The following RAB2A variants were observed in gnomAD, a reference collection of about 807,000 sequenced individuals.
The protein encoded by RAB2A is ras-related protein Rab-2A.
A neutral mutation model predicts 32.5 loss-of-function variants in RAB2A; 7 were observed. That is an observed-to-expected ratio of 0.22 (90% CI 0.12 to 0.40). The LOEUF (loss-of-function observed/expected upper bound fraction) is 0.40. RAB2A is among the 10% of genes least tolerant of loss of function. The pLI is 1.00. For synonymous variants in RAB2A, 79 were observed against 85.2 expected, an observed-to-expected ratio of 0.93 and a Z score of 0.40; for missense variants, 108 against 260.7, an observed-to-expected ratio of 0.41 and a Z score of 4.03.
At chr8:60,605,537 G>A (rs1393503400) in intron 6 of RAB2A, among the ~76,000 whole-genome samples, 2 of 152,162 alleles carry the variant, frequency 1.3e-5, no homozygotes, top group Non-Finnish European at 2.9e-5. Context: ...GAGAGCAGTG[G>A]TGGGGTCTGA....
intron 1 of RAB2A, among the ~76,000 whole-genome samples, chr8:60,526,041 A>ATG (rs1563458418): frequency 9.6e-5 from 12 of 125,122 alleles, no homozygotes; most frequent in East Asian, 5.2e-4. Flanking sequence ...ATATATATAT[A>ATG]TATATATATA....
intron 6 of RAB2A, among the ~76,000 whole-genome samples, chr8:60,618,211 C>G (rs1162517500): frequency 6.6e-6 from 1 of 152,172 alleles, no homozygotes; most frequent in African/African-American, 2.4e-5. Flanking sequence ...TGTTCTTAAT[C>G]TTAGGGGAAA....
chr8:60,549,351 T>C (rs1292957333), intron 1 of RAB2A, among the ~76,000 whole-genome samples: 3 of 152,160 alleles, frequency 2.0e-5, no homozygotes, highest in Non-Finnish European at 4.4e-5. Context: ...CTGGGCACCA[T>C]TGAGCACTGA....
At chr8:60,571,024 A>G (rs1808190295) in intron 2 of RAB2A, among the ~76,000 whole-genome samples, 2 of 152,150 alleles carry the variant, frequency 1.3e-5, no homozygotes, top group Non-Finnish European at 2.9e-5. Flanking sequence ...GGCAGTAATG[A>G]CTTGATATAA....
rs544325154 is a variant in RAB2A at position 60,566,335 on chromosome 8, T to A, written c.119-5711T>A. On this transcript the variant is annotated intron_variant, in intron 2 of 7. Coordinates refer to ENST00000262646, the MANE Select transcript of RAB2A (RefSeq NM_002865.3). The stretch of plus-strand genomic sequence containing the variant: ...AGTCAAAAAAATTTTTACTTTTTCG[T>A]TCTTTTTTAGTGAGGCTGAGCATTT... 2.6e-5 allele frequency among the ~76,000 whole-genome samples: 4 copies of A among 152,360 alleles called. No homozygotes were observed. The South Asian group carries it at 8.3e-4, about 32-fold the overall frequency.
At chr8:60,551,778 C>G (rs961715359) in intron 1 of RAB2A, among the ~76,000 whole-genome samples, 3 of 151,790 alleles carry the variant, frequency 2.0e-5, no homozygotes, top group African/African-American at 7.3e-5. Context: ...ACTGCAACCT[C>G]AAACTCCTAG....
chr8:60,557,316 G>C (rs1299416650), intron 1 of RAB2A, among the ~76,000 whole-genome samples: 1 of 152,122 alleles, frequency 6.6e-6, no homozygotes, highest in Non-Finnish European at 1.5e-5. Context: ...AGGAGTTTGA[G>C]ACCAGCCTGG....
intron 6 of RAB2A, among the ~76,000 whole-genome samples, chr8:60,595,091 G>A (rs1303370581): frequency 6.8e-6 from 1 of 147,836 alleles, no homozygotes; most frequent in Non-Finnish European, 1.5e-5. Flanking sequence ...TAGCAGATTT[G>A]CATAAAAGAA....
rs1327944485 is a variant in RAB2A, at chr8:60,557,420, G to A, written c.47-1432G>A. ...TATGCCAACTACTTGGGAGGCTGAG[G>A]CAGGAGAATTGCTTGAACCTGGGAG... On this transcript the variant is annotated intron_variant, in intron 1 of 7. Coordinates refer to ENST00000262646, the MANE Select transcript of RAB2A (RefSeq NM_002865.3). 2.0e-5 allele frequency among the ~76,000 whole-genome samples: 3 copies of A among 152,236 alleles called. No individual in the cohort carries two copies. In the East Asian group the frequency reaches 5.8e-4, roughly 29 times the overall value.
rs991230459 is a variant in RAB2A, at chr8:60,557,714, C to T, written c.47-1138C>T. On this transcript the variant is annotated intron_variant, in intron 1 of 7. Coordinates refer to ENST00000262646, the MANE Select transcript of RAB2A (RefSeq NM_002865.3). ...TCAAGTAACTGGAACTACAGATGCGCACCACCACACCCATCTTTTTTTTTT... is the reference window on the plus strand; with the variant it reads ...TCAAGTAACTGGAACTACAGATGCGTACCACCACACCCATCTTTTTTTTTT... Among the ~76,000 whole-genome samples, 9 of 151,306 alleles carry T rather than the reference C, an allele frequency of 5.9e-5. No homozygotes were observed. In the South Asian group the frequency reaches 1.0e-3, roughly 18 times the overall value.
At chr8:60,614,771 G>C (rs941444704) in intron 6 of RAB2A, among the ~76,000 whole-genome samples, 3 of 152,276 alleles carry the variant, frequency 2.0e-5, no homozygotes, top group African/African-American at 7.2e-5. Flanking sequence ...AAAGATTAGT[G>C]TTTGAGGTGG....
rs1377682701 is a variant in RAB2A, at chr8:60,615,970, CAG to C, written c.475-2609_475-2608del. 3.3e-5 allele frequency among the ~76,000 whole-genome samples: 5 copies of C among 152,004 alleles called. No homozygotes were observed. The East Asian group carries it at 7.7e-4, about 23-fold the overall frequency. On this transcript the variant is annotated intron_variant, in intron 6 of 7. Coordinates refer to ENST00000262646, the MANE Select transcript of RAB2A (RefSeq NM_002865.3). ...TGTATTGTATCCTCTATAATATGCT[CAG>C]GGGGTAGAAAATACTTGATTTTATT...
Position 60,618,513 on chromosome 8 carries a change from G to A in RAB2A, c.475-67G>A, listed in dbSNP as rs1408338040. On this transcript the variant is annotated intron_variant, in intron 6 of 7. Transcript: ENST00000262646. Reference sequence around the variant, plus strand: ...ATGTTGAATGTTATGATATTCTATAGAGCATATATAATGTTATTTTACTGC... The same window carrying A: ...ATGTTGAATGTTATGATATTCTATAAAGCATATATAATGTTATTTTACTGC... The A allele has an allele frequency of 1.8e-5, 14 of 765,856 alleles. No homozygotes were observed. In the East Asian group the frequency reaches 5.7e-4, roughly 31 times the overall value. The allele number at this position is 765,856 out of a possible 1,614,324, so 47.4% of individuals were successfully genotyped here. A position where few individuals can be genotyped will look rare whatever the true frequency, so the allele number is the denominator to read the frequency against.
rs559219040 is a variant in RAB2A at position 60,621,510 on chromosome 8, A to G, written c.*741A>G. The G allele has an allele frequency of 3.3e-5, 5 of 152,244 alleles. No homozygotes were observed. The highest frequency in any genetic ancestry group is 1.2e-4 in the African/African-American group (5 of 41,552). The allele number at this position is 152,244 out of a possible 1,614,324, so 9.4% of individuals were successfully genotyped here. On this transcript the variant is annotated 3_prime_UTR_variant, in exon 8 of 8. Coordinates refer to ENST00000262646, the MANE Select transcript of RAB2A (RefSeq NM_002865.3). Reference sequence around the variant, plus strand: ...TTGCTTTGTCCACAATTTCCTTAAGACCTCTTCAGAAAGGGATTTGTTTGC... The same window carrying G: ...TTGCTTTGTCCACAATTTCCTTAAGGCCTCTTCAGAAAGGGATTTGTTTGC...
At chr8:60,547,841 C>T (rs1447926842) in intron 1 of RAB2A, among the ~76,000 whole-genome samples, 12 of 121,856 alleles carry the variant, frequency 9.8e-5, no homozygotes, top group African/African-American at 2.8e-4. Context: ...CTGACCCCCC[C>T]ACCTCCCTCC....
chr8:60,599,091 A>C (rs561860566), intron 6 of RAB2A, among the ~76,000 whole-genome samples: 2 of 152,138 alleles, frequency 1.3e-5, no homozygotes, highest in Non-Finnish European at 2.9e-5. Flanking sequence ...AGGTTGCAGG[A>C]TACAAGGTAG....
chr8:60,556,010 T>C (rs1807932409), intron 1 of RAB2A, among the ~76,000 whole-genome samples: 1 of 152,206 alleles, frequency 6.6e-6, no homozygotes. Context: ...ATATACACAA[T>C]GGAATACTAT....
chr8:60,601,168 A>G (rs1804128119), intron 6 of RAB2A, among the ~76,000 whole-genome samples: 1 of 151,832 alleles, frequency 6.6e-6, no homozygotes, highest in South Asian at 2.1e-4. Flanking sequence ...GCTTGTTGGT[A>G]TTTTATGAAT....
Position 60,540,011 on chromosome 8 carries a change from T to C in RAB2A, c.47-18841T>C, listed in dbSNP as rs571280820. Among the ~76,000 whole-genome samples the C allele has an allele frequency of 8.6e-5, 13 of 151,922 alleles. No homozygotes were observed. The South Asian group carries it at 2.7e-3, about 32-fold the overall frequency. ...GGGAGGTACATGTGACAGGTTAAGG[T>C]AGAGTTTGAACTCTATTTTGTAGAC... On this transcript the variant is annotated intron_variant, in intron 1 of 7. Transcript: ENST00000262646.
Sources: allele counts gnomAD v4.1 joint callset (sites outside exome capture counted in the v4.1 genomes callset), GRCh38; gene constraint gnomAD v4.1.1; transcripts MANE v1.5; gene names NCBI Gene and HGNC (gene_info 2026-07-23, HGNC 2026-07-21).